The following PDSS1 variants were observed in gnomAD, a reference collection of about 807,000 sequenced individuals.
PDSS1 encodes the protein all trans-polyprenyl-diphosphate synthase PDSS1.
In PDSS1, 43 loss-of-function variants were observed where a neutral mutation model predicts 57.5. The observed-to-expected ratio is 0.75, with a 90% confidence interval of 0.59 to 0.96. The LOEUF (loss-of-function observed/expected upper bound fraction) is 0.96. PDSS1 is among the 50% of genes least tolerant of loss of function. PDSS1 has a pLI of 0.00. For synonymous variants in PDSS1, 175 were observed against 191.3 expected (o/e 0.91, Z 0.70); for missense variants, 438 against 527.8 (o/e 0.83, Z 1.67).
At chr10:26,716,684 C>A (rs1835593128) in intron 5 of PDSS1, among the ~76,000 whole-genome samples, 2 of 151,338 alleles carry the variant, frequency 1.3e-5, no homozygotes, top group Admixed American at 1.3e-4. Flanking sequence ...GAGCAAGACT[C>A]CATCTCAAAA....
In PDSS1 at chr10:26,742,602, G is replaced by C. The variant is rs78397249; in HGVS notation, c.1107+25G>C. On this transcript the variant is annotated intron_variant, in intron 11 of 11. Transcript: ENST00000376215. ...GGTAAGACTGTTTTTTTAAAAAAAA[G>C]GCAGCAGCAGGAACAACGTGGCAAA... 4.3e-3 allele frequency: 6,168 copies of C among 1,425,802 alleles called. 109 individuals carry two copies. The African/African-American group carries it at 0.046, about 11-fold the overall frequency. The allele number at this position is 1,425,802 out of a possible 1,614,324, so 88.3% of individuals were successfully genotyped here.
chr10:26,743,791 C>G (rs911960019), intron 11 of PDSS1, among the ~76,000 whole-genome samples: 3 of 152,124 alleles, frequency 2.0e-5, no homozygotes, highest in African/African-American at 7.2e-5. Flanking sequence ...CCTGTTCACC[C>G]ACAGAGCTTC....
At chr10:26,723,625 C>T (rs1192342646) in intron 6 of PDSS1, among the ~76,000 whole-genome samples, 181 bp from the exon 7 acceptor site, 1 of 152,146 alleles carries the variant, frequency 6.6e-6, no homozygotes, top group Non-Finnish European at 1.5e-5. Flanking sequence ...CCAGTTCAAA[C>T]ACTGTTCCAA....
Position 26,723,823 on chromosome 10 carries a change from T to C in PDSS1, c.627T>C (p.Asp209=). 2.5e-6 allele frequency: 4 copies of C among 1,611,790 alleles called. No individual in the cohort carries two copies. Among genetic ancestry groups the C allele is most frequent in the Non-Finnish European group, 2.5e-6 (3 of 1,177,830 alleles). ...WGEKKAVLAG[D]LILSAASIAL... is the part of the protein sequence containing the mutation. ...TTTTCTAGGCTGTTCTTGCTGGAGATTTAATTCTTTCTGCAGCATCTATAG... is the reference window on the plus strand; with the variant it reads ...TTTTCTAGGCTGTTCTTGCTGGAGACTTAATTCTTTCTGCAGCATCTATAG... Residue 209 remains aspartate, a synonymous_variant, in exon 7 of 12, where the codon GAT becomes GAC. Coordinates refer to ENST00000376215, the MANE Select transcript of PDSS1 (RefSeq NM_014317.5).
chr10:26,729,662 C>T (rs894351805), intron 8 of PDSS1, among the ~76,000 whole-genome samples: 1 of 152,264 alleles, frequency 6.6e-6, no homozygotes, highest in African/African-American at 2.4e-5. Context: ...TTTATCATTC[C>T]TTTTGTCTTG....
intron 10 of PDSS1, among the ~76,000 whole-genome samples, chr10:26,739,294 A>T (rs1836506856): frequency 6.6e-6 from 1 of 152,216 alleles, no homozygotes; most frequent in Non-Finnish European, 1.5e-5. Flanking sequence ...TGGTTTTCCT[A>T]CTCTTAAAAA....
intron 11 of PDSS1, among the ~76,000 whole-genome samples, chr10:26,743,209 G>GGAAGCCA (rs1564438980): frequency 6.6e-6 from 1 of 152,164 alleles, no homozygotes; most frequent in Non-Finnish European, 1.5e-5. Context: ...ACTTTTCTGT[G>GGAAGCCA]GAAGCCAGAT....
At chr10:26,740,808 G>A in intron 10 of PDSS1, 1 of 388,388 alleles carries the variant, frequency 2.6e-6, no homozygotes, top group South Asian at 1.8e-5. Context: ...TCACTCGGCT[G>A]TGGCAGCTGG....
At chr10:26,700,037 C>G (rs1834997604) in intron 1 of PDSS1, among the ~76,000 whole-genome samples, 1 of 152,178 alleles carries the variant, frequency 6.6e-6, no homozygotes. Flanking sequence ...TGCTCTCCAC[C>G]AGAGCTCTAC....
chr10:26,727,340 C>CTT (rs71403885), intron 8 of PDSS1, among the ~76,000 whole-genome samples: 5 of 100,640 alleles, frequency 5.0e-5, no homozygotes, highest in East Asian at 2.2e-4. Flanking sequence ...CTCTCTCTCT[C>CTT]TTTTTTTTTT....
At chr10:26,734,215 C>A (rs1836310892) in intron 8 of PDSS1, among the ~76,000 whole-genome samples, 1 of 152,244 alleles carries the variant, frequency 6.6e-6, no homozygotes, top group African/African-American at 2.4e-5. Context: ...CACACTGACG[C>A]CTGAGCAAAG....
chr10:26,735,132 A>G lies in PDSS1; in HGVS notation c.832-108A>G, dbSNP rs188993038. The G allele has an allele frequency of 4.3e-4, 345 of 797,406 alleles. 1 individual carries two copies. Among genetic ancestry groups the G allele is most frequent in the Middle Eastern group, 4.3e-3 (19 of 4,462 alleles). 49.4% of individuals were successfully genotyped at this position (797,406 alleles called of 1,614,324 possible). On this transcript the variant is annotated intron_variant, in intron 8 of 11. Coordinates refer to ENST00000376215, the MANE Select transcript of PDSS1 (RefSeq NM_014317.5). ...TGATGTCAGCATCTCCTGAGTGTGT[A>G]TAATCTAGCCCCGCTGCCTCCTATT...
intron 8 of PDSS1, among the ~76,000 whole-genome samples, chr10:26,729,425 C>T (rs894472451): frequency 6.6e-6 from 1 of 152,164 alleles, no homozygotes; most frequent in Non-Finnish European, 1.5e-5. Context: ...TTCAAAACCA[C>T]GAGGTATCAA....
chr10:26,707,392 C>G lies in PDSS1; in HGVS notation c.336+1998C>G, dbSNP rs187049393. On this transcript the variant is annotated intron_variant, in intron 4 of 11. Transcript: ENST00000376215. ...CAGCTGTGACCAATTAGTATTTTAG[C>G]GACACAGTTAACAACTGCTTGACCA... Among the ~76,000 whole-genome samples, 260 of 152,192 alleles carry G rather than the reference C, an allele frequency of 1.7e-3. 1 individual carries two copies. The highest frequency in any genetic ancestry group is 6.1e-3 in the African/African-American group (253 of 41,532).
At chr10:26,740,759 A>T (rs1355617296) in intron 10 of PDSS1, 1 of 451,122 alleles carries the variant, frequency 2.2e-6, no homozygotes, top group African/African-American at 2.0e-5. Flanking sequence ...GCTTCCAGTC[A>T]TGAAGATGAG....
intron 4 of PDSS1, among the ~76,000 whole-genome samples, chr10:26,705,869 A>C (rs1411367896): frequency 1.3e-5 from 2 of 152,210 alleles, no homozygotes; most frequent in Non-Finnish European, 2.9e-5. Flanking sequence ...GGCAATATGA[A>C]GAATGCAATA....
chr10:26,733,393 A>G (rs1836282830), intron 8 of PDSS1, among the ~76,000 whole-genome samples: 1 of 152,162 alleles, frequency 6.6e-6, no homozygotes. Context: ...GCCCTCCCTG[A>G]CAGCCCAGGG....
intron 10 of PDSS1, among the ~76,000 whole-genome samples, chr10:26,741,468 G>A (rs1280419200): frequency 1.3e-5 from 2 of 151,906 alleles, no homozygotes; most frequent in Non-Finnish European, 2.9e-5. Context: ...CCTGTGTGAT[G>A]GAGCAAGACT....
Position 26,720,462 on chromosome 10 carries a change from A to C in PDSS1, c.609+103A>C, listed in dbSNP as rs78311898. 787 of 821,772 alleles carry C rather than the reference A, an allele frequency of 9.6e-4. 3 individuals are homozygous for C. The African/African-American group carries it at 0.012, about 13-fold the overall frequency. The allele number at this position is 821,772 out of a possible 1,614,324, so 50.9% of individuals were successfully genotyped here. ...TCTCATTAAAAATATGCTTGCTCAA[A>C]TGTAATGTGGTCTTCTGAATTTCAA... On this transcript the variant is annotated intron_variant, in intron 6 of 11. Coordinates refer to ENST00000376215, the MANE Select transcript of PDSS1 (RefSeq NM_014317.5).
Sources: gnomAD v4.1 joint callset for allele counts (sites outside exome capture counted in the v4.1 genomes callset) on GRCh38, gnomAD v4.1.1 for gene constraint, MANE v1.5 for transcripts, NCBI Gene and HGNC (gene_info 2026-07-23, HGNC 2026-07-21) for gene names.